Variants in GABRG3 observed in about 807,000 individuals in gnomAD.
GABRG3 encodes the protein gamma-aminobutyric acid type A receptor subunit gamma3.
In GABRG3, 25 loss-of-function variants were observed where a neutral mutation model predicts 48.8. The ratio of observed to expected loss-of-function variants is 0.51; its 90% CI spans 0.37 to 0.72. The LOEUF is 0.72. Among genes scored for constraint, GABRG3 ranks in the 30% least tolerant of loss-of-function variants. GABRG3 has a pLI of 0.00. For synonymous variants in GABRG3, 227 were observed against 217.6 expected (o/e 1.04, Z -0.38); for missense variants, 394 against 577.9 (o/e 0.68, Z 3.26).
intron 2 of GABRG3, among the ~76,000 whole-genome samples, chr15:26,998,394 A>G (rs528765364): frequency 6.6e-6 from 1 of 152,280 alleles, no homozygotes; most frequent in African/African-American, 2.4e-5. Flanking sequence ...ATGCCAGTAT[A>G]TAATGCCAGG....
At chr15:27,463,103 G>A (rs57222720) in intron 5 of GABRG3, among the ~76,000 whole-genome samples, 15,241 of 152,040 alleles carry the variant, frequency 0.1, 1,405 homozygotes, top group African/African-American at 0.24. Context: ...ATTAATATAT[G>A]TTTTGAAGTG....
intron 5 of GABRG3, among the ~76,000 whole-genome samples, chr15:27,355,118 G>A (rs1019529658): frequency 1.5e-4 from 23 of 152,284 alleles, no homozygotes; most frequent in African/African-American, 5.1e-4. Context: ...CTTCCGATGA[G>A]CCACACCTGC....
intron 3 of GABRG3, among the ~76,000 whole-genome samples, chr15:27,176,039 AAAAG>A (rs1346508656): frequency 2.0e-5 from 3 of 152,042 alleles, no homozygotes; most frequent in East Asian, 3.9e-4. Flanking sequence ...AAAAAAAAAA[AAAAG>A]AAAGAAAAAA....
chr15:27,013,884 T>G (rs1446926578), intron 2 of GABRG3, among the ~76,000 whole-genome samples: 2 of 152,130 alleles, frequency 1.3e-5, no homozygotes, highest in Non-Finnish European at 2.9e-5. Context: ...GGCTTTTCTA[T>G]TTCTGCCAAA....
chr15:27,249,404 T>C (rs1890384177), intron 3 of GABRG3, among the ~76,000 whole-genome samples: 1 of 152,218 alleles, frequency 6.6e-6, no homozygotes, highest in Non-Finnish European at 1.5e-5. Flanking sequence ...ACCTGGGCCT[T>C]GCAGAGCAGC....
intron 5 of GABRG3, among the ~76,000 whole-genome samples, chr15:27,426,646 C>A (rs913785468): frequency 1.3e-5 from 2 of 152,056 alleles, no homozygotes; most frequent in African/African-American, 4.8e-5. Context: ...GACCTCATAT[C>A]TACCAAAATA....
At chr15:27,199,310 C>A (rs1595580928) in intron 3 of GABRG3, among the ~76,000 whole-genome samples, 1 of 152,096 alleles carries the variant, frequency 6.6e-6, no homozygotes, top group East Asian at 1.9e-4. Flanking sequence ...CTTACTGCAA[C>A]AAAACAACAT....
In GABRG3 at chr15:26,976,390, AG is replaced by A. The variant is rs1200816777; in HGVS notation, c.54-609del. Among the ~76,000 whole-genome samples, 2 of 152,370 alleles carry A rather than the reference AG, an allele frequency of 1.3e-5. No individual in the cohort carries two copies. The highest frequency in any genetic ancestry group is 2.9e-5 in the Non-Finnish European group (2 of 68,032). On this transcript the variant is annotated intron_variant, in intron 1 of 9. Transcript: ENST00000615808. This position sits in a 1 kb window ranked among gnomAD's most constrained non-coding sequence, Gnocchi z 7.8. ...TGACCGAGGCGTGCAAGATTGCTAG[AG>A]GGTCTTCACCAGTCATCAGCGAACA...
intron 5 of GABRG3, among the ~76,000 whole-genome samples, chr15:27,435,666 G>A (rs544136068): frequency 6.6e-6 from 1 of 152,272 alleles, no homozygotes; most frequent in African/African-American, 2.4e-5. Flanking sequence ...TATCTTATCT[G>A]GGTCAAGTAA....
chr15:27,075,602 T>TGAAA (rs3063254), intron 3 of GABRG3, among the ~76,000 whole-genome samples: 31,321 of 152,124 alleles, frequency 0.21, 3,364 homozygotes, highest in Middle Eastern at 0.26. Context: ...TCATGGGACC[T>TGAAA]GAGTCAAACA....
chr15:27,283,563 A>T (rs13380352), intron 3 of GABRG3, among the ~76,000 whole-genome samples: 1 of 152,220 alleles, frequency 6.6e-6, no homozygotes, highest in African/African-American at 2.4e-5. Context: ...GAGATGGCAC[A>T]CAGTTGCACT....
intron 3 of GABRG3, among the ~76,000 whole-genome samples, chr15:27,282,203 C>T (rs888800324): frequency 6.6e-6 from 1 of 152,092 alleles, no homozygotes; most frequent in Non-Finnish European, 1.5e-5. Flanking sequence ...GTATGGATTA[C>T]TTTGGGGTTA....
chr15:26,995,541 CT>C (rs34201238), intron 2 of GABRG3, among the ~76,000 whole-genome samples: 1,651 of 145,344 alleles, frequency 0.011, 23 homozygotes, highest in African/African-American at 0.039. Context: ...CGTTTAATAT[CT>C]TTTTTTTTTT....
intron 3 of GABRG3, among the ~76,000 whole-genome samples, chr15:27,176,935 C>T (rs1217686003): frequency 2.6e-5 from 4 of 152,114 alleles, no homozygotes; most frequent in South Asian, 2.1e-4. Flanking sequence ...CAGTTTCTTG[C>T]CCACTGCATA....
In GABRG3 at chr15:27,316,231, CAAAA is replaced by C. The variant is rs1178621038; in HGVS notation, c.271-10574_271-10571del. ...TGAAACCCCGTCTCTACTAAAAATA[CAAAA>C]AAATTAGCCGGGCCTAGTGGCGGGC... On this transcript the variant is annotated intron_variant, in intron 3 of 9. Coordinates refer to ENST00000615808, the MANE Select transcript of GABRG3 (RefSeq NM_033223.5). Among the ~76,000 whole-genome samples the C allele has an allele frequency of 3.3e-5, 5 of 151,724 alleles. No homozygotes were observed. In the South Asian group the frequency reaches 6.3e-4, roughly 19 times the overall value.
chr15:27,388,393 G>A (rs28675912), intron 5 of GABRG3, among the ~76,000 whole-genome samples: 22,367 of 84,516 alleles, frequency 0.26, 4,983 homozygotes, highest in East Asian at 0.36. Context: ...AGGAAAGGAG[G>A]GAGGGAGGGG....
chr15:26,983,345 G>A (rs1207566196), intron 2 of GABRG3, among the ~76,000 whole-genome samples: 1 of 152,066 alleles, frequency 6.6e-6, no homozygotes, highest in Non-Finnish European at 1.5e-5. Context: ...GAGCCCCCGG[G>A]AGGCTCTCCA....
chr15:27,267,550 C>T (rs1438813816), intron 3 of GABRG3, among the ~76,000 whole-genome samples: 1 of 151,950 alleles, frequency 6.6e-6, no homozygotes, highest in African/African-American at 2.4e-5. Context: ...AGCAATCCTC[C>T]CACATCAGCC....
At chr15:27,096,175 C>T (rs933936864) in intron 3 of GABRG3, among the ~76,000 whole-genome samples, 1 of 152,190 alleles carries the variant, frequency 6.6e-6, no homozygotes, top group Admixed American at 6.5e-5. Context: ...CTGGTTTCTG[C>T]GTGTCTTTTC....
Sources: allele counts gnomAD v4.1 joint callset (sites outside exome capture counted in the v4.1 genomes callset), GRCh38; gene constraint gnomAD v4.1.1; non-coding constraint Gnocchi (gnomAD v3.1); transcripts MANE v1.5; gene names NCBI Gene and HGNC (gene_info 2026-07-23, HGNC 2026-07-21).